Variants in ZNF280C observed in about 807,000 individuals in gnomAD.
The protein encoded by ZNF280C is suppressor of hairy wing homolog 3.
ZNF280C carries 14 observed loss-of-function variants against 53.6 expected under a neutral mutation model. That is an observed-to-expected ratio of 0.26 (90% CI 0.17 to 0.41). The LOEUF is 0.41. Ranked by LOEUF, ZNF280C falls within the 10% of genes least tolerant of loss-of-function variation. The probability of loss-of-function intolerance (pLI) is 1.00; values close to 1 mark genes in which losing one functional copy is unlikely to be tolerated. For missense variants in ZNF280C, 416 were observed against 547.1 expected (o/e 0.76, Z 2.39); for synonymous variants, 203 against 181.1 (o/e 1.12, Z -0.97).
rs2032250759 is a variant in ZNF280C, at chrX:130,228,957, C to G, written c.1147+20G>C. On this transcript the variant is annotated intron_variant, in intron 10 of 18. Coordinates refer to ENST00000370978, the MANE Select transcript of ZNF280C (RefSeq NM_017666.5). ...ATCAAAGTCAACAATATTCAGGATT[C>G]CAAAGAAACTTTCACTTACTAGAAA... 2 of 1,124,096 alleles carry G rather than the reference C, an allele frequency of 1.8e-6. No homozygotes were observed. The highest frequency in any genetic ancestry group is 6.2e-5 in the East Asian group (2 of 32,241). The allele number at this position is 1,124,096 out of a possible 1,213,427, so 92.6% of individuals were successfully genotyped here. A position where few individuals can be genotyped will look rare whatever the true frequency, so the allele number is the denominator to read the frequency against.
intron 1 of ZNF280C, among the ~76,000 whole-genome samples, chrX:130,264,593 A>G (rs1297270792): frequency 9.0e-6 from 1 of 111,174 alleles, no homozygotes; most frequent in Admixed American, 9.6e-5. Flanking sequence ...CAATGACCAT[A>G]TGGTTAGCTA....
chrX:130,231,259 TG>T (rs1439290974), intron 8 of ZNF280C, among the ~76,000 whole-genome samples: 2 of 111,536 alleles, frequency 1.8e-5, no homozygotes, highest in Non-Finnish European at 3.8e-5. Context: ...CACCTACACT[TG>T]TATGTTCATT....
intron 15 of ZNF280C, among the ~76,000 whole-genome samples, chrX:130,211,101 T>C (rs1447263924): frequency 8.9e-6 from 1 of 112,043 alleles, no homozygotes; most frequent in African/African-American, 3.2e-5. Flanking sequence ...TTACTATATA[T>C]GCATGGGAAA....
chrX:130,212,380 G>A (rs1405887890), intron 15 of ZNF280C, among the ~76,000 whole-genome samples: 1 of 111,423 alleles, frequency 9.0e-6, no homozygotes, highest in Admixed American at 9.6e-5. Flanking sequence ...GACAAGAACA[G>A]TTGAAGGGAG....
chrX:130,257,826 G>A (rs1004272639), intron 2 of ZNF280C, among the ~76,000 whole-genome samples: 1 of 112,794 alleles, frequency 8.9e-6, no homozygotes, highest in African/African-American at 3.2e-5. Flanking sequence ...GTAAACTAAT[G>A]TAACAGCAAT....
At chrX:130,254,863 T>C (rs1016932889) in intron 2 of ZNF280C, among the ~76,000 whole-genome samples, 20 of 109,039 alleles carry the variant, frequency 1.8e-4, no homozygotes, top group Non-Finnish European at 2.5e-4. Context: ...CCCCAAGACA[T>C]GAGTGTACCC....
chrX:130,221,893 C>T (rs1368812445), intron 12 of ZNF280C, among the ~76,000 whole-genome samples: 6 of 111,099 alleles, frequency 5.4e-5, no homozygotes, highest in African/African-American at 1.3e-4. Context: ...AATGGCTTTC[C>T]GTAACACTCC....
At chrX:130,241,998 G>A (rs2032395353) in intron 5 of ZNF280C, among the ~76,000 whole-genome samples, 1 of 80,778 alleles carries the variant, frequency 1.2e-5, no homozygotes, top group African/African-American at 5.6e-5. Flanking sequence ...ACTTTGGGAA[G>A]CCGGGGGGGG....
chrX:130,239,849 T>G (rs2032370374), intron 5 of ZNF280C, among the ~76,000 whole-genome samples, 156 bp from the exon 6 acceptor site: 1 of 111,422 alleles, frequency 9.0e-6, no homozygotes, highest in Non-Finnish European at 1.9e-5. Flanking sequence ...ATCTACTGGG[T>G]GAGGAGTATA....
chrX:130,224,932 C>T (rs1051820959), intron 12 of ZNF280C, among the ~76,000 whole-genome samples: 1 of 111,778 alleles, frequency 8.9e-6, no homozygotes, highest in African/African-American at 3.3e-5. Context: ...ACATAGAGAA[C>T]ATTTTAGAAG....
At chrX:130,249,316 T>A (rs1199502687) in intron 2 of ZNF280C, among the ~76,000 whole-genome samples, 1 of 111,582 alleles carries the variant, frequency 9.0e-6, no homozygotes, top group Non-Finnish European at 1.9e-5. Context: ...AGCTGATGAG[T>A]GTGCACTCTG....
At chrX:130,233,282 T>C (rs781112324) in intron 8 of ZNF280C, among the ~76,000 whole-genome samples, 5 of 111,656 alleles carry the variant, frequency 4.5e-5, no homozygotes, top group Admixed American at 9.6e-5. Context: ...ATCTACTATA[T>C]AGAATAGTGC....
At chrX:130,212,410 G>T (rs143817230) in intron 15 of ZNF280C, among the ~76,000 whole-genome samples, 447 of 111,200 alleles carry the variant, frequency 4.0e-3, no homozygotes, top group African/African-American at 0.014. Flanking sequence ...TTACATAGAG[G>T]AGTAGCAGCC....
intron 8 of ZNF280C, among the ~76,000 whole-genome samples, chrX:130,234,922 T>C (rs1057399152): frequency 8.9e-6 from 1 of 111,801 alleles, no homozygotes; most frequent in Non-Finnish European, 1.9e-5. Context: ...AACTATCATT[T>C]CATATGAAAT....
chrX:130,262,769 T>A (rs2124718464), intron 1 of ZNF280C, among the ~76,000 whole-genome samples: 1 of 111,792 alleles, frequency 8.9e-6, no homozygotes, highest in South Asian at 3.7e-4. Flanking sequence ...GGAAAAAAAA[T>A]GAATTCTGAG....
intron 16 of ZNF280C, among the ~76,000 whole-genome samples, chrX:130,208,697 AT>A (rs764350027): frequency 0.015 from 1,472 of 99,147 alleles, 15 homozygotes; most frequent in African/African-American, 0.037. Flanking sequence ...AAATAGCATA[AT>A]TTTTTTTTTT....
intron 13 of ZNF280C, among the ~76,000 whole-genome samples, chrX:130,216,522 C>G (rs1367151377): frequency 8.9e-6 from 1 of 111,949 alleles, no homozygotes; most frequent in East Asian, 2.8e-4. Context: ...AATAAGCACA[C>G]AAAGAGATGG....
chrX:130,205,198 G>T, intron 17 of ZNF280C, 45 bp from the exon 18 acceptor site: 1 of 1,136,852 alleles, frequency 8.8e-7, no homozygotes, highest in Non-Finnish European at 1.2e-6. Flanking sequence ...TATATGAAGA[G>T]TGAGACTATC....
At chrX:130,264,183 G>A (rs1449119889) in intron 1 of ZNF280C, among the ~76,000 whole-genome samples, 1 of 111,374 alleles carries the variant, frequency 9.0e-6, no homozygotes, top group Non-Finnish European at 1.9e-5. Flanking sequence ...TAGAGAAAGG[G>A]AGAGTAGGTA....
Sources: gnomAD v4.1 joint callset for allele counts (sites outside exome capture counted in the v4.1 genomes callset) on GRCh38, gnomAD v4.1.1 for gene constraint, MANE v1.5 for transcripts, NCBI Gene and HGNC (gene_info 2026-07-23, HGNC 2026-07-21) for gene names.